The following DHRSX variants were observed in gnomAD, a reference collection of about 807,000 sequenced individuals.
DHRSX encodes the protein dehydrogenase/reductase X-linked, also known as polyprenol dehydrogenase.
In DHRSX, 31 loss-of-function variants were observed where a neutral mutation model predicts 34.0. The observed-to-expected ratio is 0.91, with a 90% CI of 0.69 to 1.23. The LOEUF (loss-of-function observed/expected upper bound fraction) is 1.23. Among genes scored for constraint, DHRSX ranks in the 50% most tolerant of loss-of-function variants. The pLI is 0.00. For synonymous variants in DHRSX, 201 were observed against 183.8 expected (o/e 1.09, Z -0.76); for missense variants, 414 against 428.1 (o/e 0.97, Z 0.29).
Position 2,291,484 on chromosome X carries a change from A to G in DHRSX, c.388+18T>C. On this transcript the variant is annotated intron_variant, in intron 4 of 6. Transcript: ENST00000334651. The stretch of plus-strand genomic sequence containing the variant: ...TTCAAATTAACCCCTGGCTTGCTGC[A>G]ATTTCACCAGGACTCACCATTGTTG... 3.8e-6 allele frequency: 6 copies of G among 1,598,406 alleles called. No homozygotes were observed. The highest frequency in any genetic ancestry group is 5.1e-6 in the Non-Finnish European group (6 of 1,167,126).
At chrX:2,441,659 G>A (rs770283402) in intron 1 of DHRSX, among the ~76,000 whole-genome samples, 58 of 152,160 alleles carry the variant, frequency 3.8e-4, no homozygotes, top group African/African-American at 1.3e-3. Context: ...TACCTCTTAA[G>A]ACCTTCCACT....
intron 2 of DHRSX, among the ~76,000 whole-genome samples, chrX:2,417,979 A>T (rs1431161711): frequency 6.6e-6 from 1 of 151,802 alleles, no homozygotes; most frequent in Non-Finnish European, 1.5e-5. Context: ...AATAGACCTC[A>T]TCATGGCCTA....
chrX:2,471,718 T>C (rs28680626), intron 1 of DHRSX, among the ~76,000 whole-genome samples: 31,068 of 151,362 alleles, frequency 0.21, 4,345 homozygotes, highest in African/African-American at 0.39. Flanking sequence ...CCCGGAAAGG[T>C]GAACACCCCT....
chrX:2,225,901 A>G (rs924562969), intron 6 of DHRSX, among the ~76,000 whole-genome samples: 33 of 151,976 alleles, frequency 2.2e-4, no homozygotes, highest in Non-Finnish European at 1.8e-4. Context: ...AGCAGCCTGA[A>G]ATGGACTGAG....
At chrX:2,284,656 C>CT (rs2041783261) in intron 4 of DHRSX, among the ~76,000 whole-genome samples, 1 of 152,182 alleles carries the variant, frequency 6.6e-6, no homozygotes, top group Admixed American at 6.5e-5. Flanking sequence ...TATTAAAAAT[C>CT]TATCAATTTT....
intron 3 of DHRSX, among the ~76,000 whole-genome samples, chrX:2,325,394 G>A (rs1300436558): frequency 5.3e-5 from 8 of 151,760 alleles, no homozygotes; most frequent in African/African-American, 1.5e-4. Flanking sequence ...CAGGAACTAG[G>A]GACTAGACAC....
At chrX:2,426,890 C>T (rs1207930321) in intron 1 of DHRSX, among the ~76,000 whole-genome samples, 1 of 151,882 alleles carries the variant, frequency 6.6e-6, no homozygotes, top group Non-Finnish European at 1.5e-5. Context: ...ATCTTCTAAC[C>T]CTTCCCTCCT....
At chrX:2,306,631 G>A (rs73185786) in intron 3 of DHRSX, among the ~76,000 whole-genome samples, 2 of 151,634 alleles carry the variant, frequency 1.3e-5, no homozygotes, top group Admixed American at 1.3e-4. Flanking sequence ...TTTTGTATTT[G>A]TAGTAGAGAC....
At chrX:2,390,871 C>T (rs2043327980) in intron 3 of DHRSX, among the ~76,000 whole-genome samples, 1 of 151,352 alleles carries the variant, frequency 6.6e-6, no homozygotes, top group Non-Finnish European at 1.5e-5. Flanking sequence ...CCACATTTTG[C>T]TTATCCATCT....
chrX:2,277,153 T>TA (rs1490267391), intron 4 of DHRSX, among the ~76,000 whole-genome samples: 1 of 2,930 alleles, frequency 3.4e-4, no homozygotes, highest in Non-Finnish European at 8.5e-4. Context: ...GAGGAGGAAA[T>TA]AGGGGAAAGA....
chrX:2,362,547 C>T (rs1456083437), intron 3 of DHRSX, among the ~76,000 whole-genome samples: 4 of 152,228 alleles, frequency 2.6e-5, no homozygotes, highest in Admixed American at 2.6e-4. Context: ...GATCCGCCCA[C>T]CACAGCCTCC....
intron 1 of DHRSX, chrX:2,489,322 G>C (rs1377460671): frequency 1.3e-5 from 21 of 1,613,954 alleles, no homozygotes; most frequent in Non-Finnish European, 1.7e-5. Flanking sequence ...TGAGAAACAT[G>C]TCGATCTCGG....
In DHRSX at chrX:2,237,545, G is replaced by A. The variant is rs375708536; in HGVS notation, c.804+5478C>T. On this transcript the variant is annotated intron_variant, in intron 6 of 6. Transcript: ENST00000334651. ...TTTGAGATGGAGTTTCGCTCTTGTC[G>A]TCCAGGCTGGAGTGCAGTGGCATGA... Among the ~76,000 whole-genome samples, 418 of 149,170 alleles carry A rather than the reference G, an allele frequency of 2.8e-3. 4 individuals carry two copies. The highest frequency in any genetic ancestry group is 9.5e-3 in the African/African-American group (383 of 40,386).
rs778002334 is a variant in DHRSX, at chrX:2,275,876, A to C, written c.389-8929T>G. On this transcript the variant is annotated intron_variant, in intron 4 of 6. Coordinates refer to ENST00000334651, the MANE Select transcript of DHRSX (RefSeq NM_145177.3). Reference sequence around the variant, plus strand: ...AATTTTATTTTTGAGATGGAGTCTCACTCTGTCGCTAGGCTGGAGTGCAGT... The same window carrying C: ...AATTTTATTTTTGAGATGGAGTCTCCCTCTGTCGCTAGGCTGGAGTGCAGT... Among the ~76,000 whole-genome samples the C allele has an allele frequency of 2.7e-5, 4 of 150,016 alleles. No individual in the cohort carries two copies. The South Asian group carries it at 8.4e-4, about 32-fold the overall frequency.
At chrX:2,317,256 C>CTCTTTTTTTTTTTT (rs2042251530) in intron 3 of DHRSX, among the ~76,000 whole-genome samples, 1 of 87,436 alleles carries the variant, frequency 1.1e-5, no homozygotes, top group Admixed American at 1.2e-4. Context: ...CCGCGCCTGG[C>CTCTTTTTTTTTTTT]TTTTTTTTTT....
chrX:2,238,606 G>T (rs1382993176), intron 6 of DHRSX, among the ~76,000 whole-genome samples: 1 of 148,188 alleles, frequency 6.7e-6, no homozygotes. Flanking sequence ...TTTTTGAGAC[G>T]GAGTTTCACT....
chrX:2,457,930 C>T (rs191635836), intron 1 of DHRSX, among the ~76,000 whole-genome samples: 3,844 of 150,538 alleles, frequency 0.026, 86 homozygotes, highest in Admixed American at 0.055. Context: ...GCCAAGGGAC[C>T]GCCACCAAGT....
chrX:2,486,246 G>T (rs948454128), intron 1 of DHRSX, among the ~76,000 whole-genome samples: 5 of 152,060 alleles, frequency 3.3e-5, no homozygotes, highest in Admixed American at 6.6e-5. Context: ...CATAACTTGA[G>T]GATTTACAGA....
intron 1 of DHRSX, among the ~76,000 whole-genome samples, chrX:2,483,544 C>T (rs2044806899): frequency 6.6e-6 from 1 of 152,118 alleles, no homozygotes; most frequent in Non-Finnish European, 1.5e-5. Flanking sequence ...GCTGGGATCA[C>T]AGGCATGAGA....
Sources: gnomAD v4.1 joint callset for allele counts (sites outside exome capture counted in the v4.1 genomes callset) on GRCh38, gnomAD v4.1.1 for gene constraint, MANE v1.5 for transcripts, NCBI Gene and HGNC (gene_info 2026-07-23, HGNC 2026-07-21) for gene names.